Variants in GRIP1 observed in about 807,000 individuals in gnomAD.
GRIP1 encodes glutamate receptor interacting protein 1, also known as glutamate receptor-interacting protein 1.
Under a neutral mutation model 129.9 loss-of-function variants are expected in GRIP1, and 45 were observed. The observed-to-expected ratio is 0.35, with a 90% CI of 0.27 to 0.44. The LOEUF is 0.44. Among genes scored for constraint, GRIP1 ranks in the 20% least tolerant of loss-of-function variants. The pLI, the probability that GRIP1 is intolerant of heterozygous loss-of-function variation, is 1.00. For synonymous variants in GRIP1, 530 were observed against 520.8 expected, an observed-to-expected ratio of 1.02 and a Z score of -0.24; for missense variants, 1,196 against 1,396.8, an observed-to-expected ratio of 0.86 and a Z score of 2.29.
intron 1 of GRIP1, among the ~76,000 whole-genome samples, chr12:66,978,761 T>TA (rs1342635078): frequency 3.3e-5 from 5 of 152,336 alleles, no homozygotes; most frequent in South Asian, 2.1e-4. Context: ...AAAACTATTT[T>TA]AAAAAATGCT....
chr12:66,674,756 G>A (rs1486356374), intron 1 of GRIP1, among the ~76,000 whole-genome samples: 1 of 152,180 alleles, frequency 6.6e-6, no homozygotes, highest in Non-Finnish European at 1.5e-5. Context: ...CTGAAAAAAT[G>A]AGAGTGAGTG....
At chr12:66,626,827 A>G (rs935602701) in intron 1 of GRIP1, 1 of 152,654 alleles carries the variant, frequency 6.6e-6, no homozygotes, top group Admixed American at 6.5e-5. Context: ...AGGTGTCAAG[A>G]AGAAAGGGCT....
chr12:66,599,068 A>G (rs1170110370), intron 1 of GRIP1, among the ~76,000 whole-genome samples: 1 of 152,170 alleles, frequency 6.6e-6, no homozygotes, highest in African/African-American at 2.4e-5. Context: ...TAGAACTGAG[A>G]TAGTCTAGTT....
intron 1 of GRIP1, among the ~76,000 whole-genome samples, chr12:66,778,838 G>A (rs954215725): frequency 1.3e-5 from 2 of 152,172 alleles, no homozygotes. Context: ...AAGGGAAAGG[G>A]GAATCAATGG....
chr12:66,464,950 C>CTTTT (rs1565768619), intron 8 of GRIP1, among the ~76,000 whole-genome samples: 1 of 118,190 alleles, frequency 8.5e-6, no homozygotes, highest in Non-Finnish European at 1.6e-5. Flanking sequence ...TTCTTTCTTT[C>CTTTT]TTTCTTTTTT....
chr12:66,605,389 C>T (rs1336304522), intron 1 of GRIP1, among the ~76,000 whole-genome samples: 2 of 152,028 alleles, frequency 1.3e-5, no homozygotes, highest in Non-Finnish European at 2.9e-5. Context: ...GACATTACTG[C>T]AAAGGTTTCC....
intron 1 of GRIP1, among the ~76,000 whole-genome samples, chr12:66,627,702 A>C (rs1428107460): frequency 6.6e-6 from 1 of 152,184 alleles, no homozygotes; most frequent in Non-Finnish European, 1.5e-5. Context: ...AGTCAATCAG[A>C]ACACTGGATC....
intron 7 of GRIP1, among the ~76,000 whole-genome samples, chr12:66,507,151 A>C (rs1303763386): frequency 1.3e-5 from 2 of 152,200 alleles, no homozygotes; most frequent in Non-Finnish European, 2.9e-5. Flanking sequence ...AAACTGATAA[A>C]GTATGGGCCA....
intron 1 of GRIP1, among the ~76,000 whole-genome samples, chr12:67,030,044 C>CA (rs11330637): frequency 8.6e-4 from 115 of 132,996 alleles, no homozygotes; most frequent in African/African-American, 3.1e-3. Context: ...ACTAAAAATA[C>CA]AAAAAAAAAA....
intron 1 of GRIP1, among the ~76,000 whole-genome samples, chr12:67,002,812 G>A (rs1364577061): frequency 6.6e-6 from 1 of 151,476 alleles, no homozygotes; most frequent in African/African-American, 2.4e-5. Context: ...TAACTTCAGA[G>A]ACTTCTCTAA....
intron 1 of GRIP1, among the ~76,000 whole-genome samples, chr12:66,978,787 T>G (rs2042192821): frequency 6.6e-6 from 1 of 152,226 alleles, no homozygotes; most frequent in Non-Finnish European, 1.5e-5. Flanking sequence ...TCCACCAGAT[T>G]GGTCATTTTC....
chr12:66,812,922 G>A (rs1242338051), intron 1 of GRIP1, among the ~76,000 whole-genome samples: 8 of 151,996 alleles, frequency 5.3e-5, no homozygotes, highest in Admixed American at 3.9e-4. Context: ...TCATTTATTC[G>A]ACAAATGCTT....
chr12:66,761,423 A>G lies in GRIP1; in HGVS notation c.-420+42630T>C, dbSNP rs536439443. Among the ~76,000 whole-genome samples the G allele has an allele frequency of 3.3e-5, 5 of 152,188 alleles. No individual in the cohort carries two copies. In the South Asian group the frequency reaches 8.3e-4, roughly 25 times the overall value. On this transcript the variant is annotated intron_variant, in intron 1 of 4. Transcript: ENST00000538373. ...ATTTGCTTATTGTTTCCTTACCTAA[A>G]AGGAAGCCCGTACTGCCTCAACCCC...
intron 1 of GRIP1, among the ~76,000 whole-genome samples, chr12:66,907,373 C>T (rs182462780): frequency 1.3e-5 from 2 of 152,186 alleles, no homozygotes; most frequent in Admixed American, 1.3e-4. Flanking sequence ...TAGCATTGAA[C>T]AAGACATAAA....
chr12:66,871,521 A>G (rs2040295677), intron 1 of GRIP1, among the ~76,000 whole-genome samples: 1 of 152,114 alleles, frequency 6.6e-6, no homozygotes. Flanking sequence ...GTGTAAGATT[A>G]TAAAATAATA....
chr12:66,689,883 A>T (rs926519750), intron 1 of GRIP1, among the ~76,000 whole-genome samples: 1 of 151,918 alleles, frequency 6.6e-6, no homozygotes, highest in African/African-American at 2.4e-5. Context: ...TGGACATTTT[A>T]ATGTATTGTA....
At chr12:67,006,940 T>G (rs2042635725) in intron 1 of GRIP1, among the ~76,000 whole-genome samples, 1 of 152,248 alleles carries the variant, frequency 6.6e-6, no homozygotes, top group Admixed American at 6.5e-5. Flanking sequence ...ACCTTCAGTT[T>G]CCCTTGAATG....
chr12:66,641,279 C>T (rs377411134), intron 1 of GRIP1, among the ~76,000 whole-genome samples: 15 of 152,274 alleles, frequency 9.9e-5, no homozygotes, highest in South Asian at 6.2e-4. Flanking sequence ...ACAGGTGCTA[C>T]CACTAACCAG....
chr12:66,589,194 T>TCTCTCTCTC (rs2063757008), intron 2 of GRIP1, among the ~76,000 whole-genome samples: 2 of 95,628 alleles, frequency 2.1e-5, no homozygotes, highest in African/African-American at 9.0e-5. Context: ...CTCCCCCACC[T>TCTCTCTCTC]TCTCTCTCTC....
Sources: allele counts gnomAD v4.1 joint callset (sites outside exome capture counted in the v4.1 genomes callset), GRCh38; gene constraint gnomAD v4.1.1; transcripts MANE v1.5; gene names NCBI Gene and HGNC (gene_info 2026-07-23, HGNC 2026-07-21).